The following PCGF3 variants were observed in gnomAD, a reference collection of about 807,000 sequenced individuals.
PCGF3 encodes the protein polycomb group RING finger protein 3.
In PCGF3, 7 loss-of-function variants were observed where a neutral mutation model predicts 33.1. That is an observed-to-expected ratio of 0.21 (90% CI 0.12 to 0.40). PCGF3 has a LOEUF of 0.40. PCGF3 is among the 10% of genes least tolerant of loss of function. The pLI, the probability that PCGF3 is intolerant of heterozygous loss-of-function variation, is 1.00. For missense variants in PCGF3, 211 were observed against 313.3 expected (o/e 0.67, Z 2.46); for synonymous variants, 153 against 121.3 (o/e 1.26, Z -1.72).
At chr4:743,401 T>C (rs1357358301) in intron 6 of PCGF3, 73 bp from the exon 7 acceptor site, 2 of 835,306 alleles carry the variant, frequency 2.4e-6, no homozygotes, top group Non-Finnish European at 4.1e-6. Flanking sequence ...TTTCTTTATG[T>C]GATGTTTATG....
chr4:733,438 G>A (rs1049551843), intron 3 of PCGF3, among the ~76,000 whole-genome samples: 1 of 152,252 alleles, frequency 6.6e-6, no homozygotes, highest in African/African-American at 2.4e-5. Flanking sequence ...AGAGAAGCCA[G>A]TGCGGGGGAG....
At chr4:731,437 G>A in intron 3 of PCGF3, 1 of 348,330 alleles carries the variant, frequency 2.9e-6, no homozygotes. Flanking sequence ...TTGTGAGGCG[G>A]TCGGCTAGCA....
chr4:707,194 C>T (rs1459258986), intron 1 of PCGF3, among the ~76,000 whole-genome samples: 1 of 143,808 alleles, frequency 7.0e-6, no homozygotes. Context: ...CAAGGAGGGT[C>T]GGACCTGGCC....
At chr4:750,839 CT>C (rs111638882) in intron 8 of PCGF3, among the ~76,000 whole-genome samples, 1 of 151,108 alleles carries the variant, frequency 6.6e-6, no homozygotes, top group Non-Finnish European at 1.5e-5. Flanking sequence ...AGTGTGGATT[CT>C]TTTTTTTTCT....
At chr4:768,486 T>A (rs1172035013) in exon 11 of PCGF3, 2 of 142,342 alleles carry the variant, frequency 1.4e-5, no homozygotes, top group Admixed American at 7.0e-5. Context: ...TTTTTTTTTT[T>A]AAACAGATGG....
chr4:728,950 G>C (rs1032201332), intron 1 of PCGF3, among the ~76,000 whole-genome samples: 1 of 151,652 alleles, frequency 6.6e-6, no homozygotes, highest in Non-Finnish European at 1.5e-5. Flanking sequence ...AAATATAAAA[G>C]TTAACTGGGC....
At chr4:752,882 G>A (rs531267833) in intron 8 of PCGF3, among the ~76,000 whole-genome samples, 11 of 152,362 alleles carry the variant, frequency 7.2e-5, no homozygotes, top group African/African-American at 2.2e-4. Context: ...TCAGAGCCTC[G>A]GGATTGCCAG....
chr4:733,983 CAG>C, intron 4 of PCGF3, 194 bp downstream of exon 4: 3 of 1,551,276 alleles, frequency 1.9e-6, no homozygotes, highest in East Asian at 2.4e-5. Context: ...TGGGTGGTGT[CAG>C]AGCAGATGAG....
chr4:738,302 GT>G (rs1743924517), intron 6 of PCGF3, among the ~76,000 whole-genome samples: 1 of 152,238 alleles, frequency 6.6e-6, no homozygotes, highest in African/African-American at 2.4e-5. Flanking sequence ...GAATCATACT[GT>G]TAGAGGCTTC....
intron 1 of PCGF3, chr4:722,415 G>A (rs915375492): frequency 1.9e-5 from 4 of 209,614 alleles, no homozygotes; most frequent in Admixed American, 5.9e-5. Flanking sequence ...GCTGGCGTGC[G>A]GAGTGTTTTG....
intron 8 of PCGF3, among the ~76,000 whole-genome samples, chr4:760,878 G>C (rs1745016647): frequency 6.6e-6 from 1 of 152,216 alleles, no homozygotes; most frequent in Non-Finnish European, 1.5e-5. Flanking sequence ...TCTCCCTACT[G>C]TCTTCCTGCA....
chr4:724,375 AG>A (rs1743239425), intron 1 of PCGF3, among the ~76,000 whole-genome samples: 1 of 152,190 alleles, frequency 6.6e-6, no homozygotes, highest in African/African-American at 2.4e-5. Flanking sequence ...CAGGCAGGGA[AG>A]GTGAAGCTCC....
intron 8 of PCGF3, among the ~76,000 whole-genome samples, chr4:759,922 TCTC>T (rs1744949731): frequency 6.7e-6 from 1 of 149,626 alleles, no homozygotes; most frequent in East Asian, 2.0e-4. Flanking sequence ...CCCGAGTTCT[TCTC>T]CTTCCGGACT....
chr4:718,158 G>A (rs377617962), intron 1 of PCGF3, among the ~76,000 whole-genome samples: 3 of 152,274 alleles, frequency 2.0e-5, no homozygotes, highest in East Asian at 3.9e-4. Flanking sequence ...TGGACGTGCC[G>A]GCCGCCCACT....
chr4:733,234 C>T (rs1292629956), intron 3 of PCGF3, among the ~76,000 whole-genome samples: 1 of 152,244 alleles, frequency 6.6e-6, no homozygotes, highest in East Asian at 1.9e-4. Flanking sequence ...AAGGGTCGCG[C>T]TGTGAGCCGC....
At chr4:763,538 T>C (rs1051606571) in intron 9 of PCGF3, among the ~76,000 whole-genome samples, 16 of 152,338 alleles carry the variant, frequency 1.1e-4, no homozygotes, top group African/African-American at 2.9e-4. Flanking sequence ...GCACCACGCG[T>C]ACCCCATAGA....
intron 10 of PCGF3, 72 bp from the exon 11 acceptor site, chr4:765,960 C>G (rs917251868): frequency 1.4e-6 from 2 of 1,391,506 alleles, no homozygotes; most frequent in Non-Finnish European, 2.0e-6. Flanking sequence ...CCTCAGCACC[C>G]TTCCCGATGA....
chr4:721,554 A>T lies in PCGF3; in HGVS notation c.-189-9076A>T, dbSNP rs1292541787. Among the ~76,000 whole-genome samples the T allele has an allele frequency of 2.6e-5, 4 of 152,030 alleles. No individual in the cohort carries two copies. Among genetic ancestry groups the T allele is most frequent in the African/African-American group, 9.7e-5 (4 of 41,412 alleles). ...AGGAGGCTGCGGGCGAGGCGAGGGC[A>T]GAGTGCACTCGCTGGGGGTCACCCT... On this transcript the variant is annotated intron_variant, in intron 1 of 10. Transcript: ENST00000362003. This position sits in a 1 kb window ranked among gnomAD's most constrained non-coding sequence, Gnocchi z 4.1.
exon 8 of PCGF3, chr4:744,635 G>T (rs1202740786): frequency 1.3e-6 from 2 of 1,561,814 alleles, no homozygotes; most frequent in Non-Finnish European, 1.7e-6. Context: ...AAACAAAGAG[G>T]CCGCGGAGGA....
Sources: gnomAD v4.1 joint callset for allele counts (sites outside exome capture counted in the v4.1 genomes callset) on GRCh38, gnomAD v4.1.1 for gene constraint, Gnocchi (gnomAD v3.1) non-coding constraint, MANE v1.5 for transcripts, NCBI Gene and HGNC (gene_info 2026-07-23, HGNC 2026-07-21) for gene names.